The following PCDHA4 variants were observed in gnomAD, a reference collection of about 807,000 sequenced individuals.
The protein encoded by PCDHA4 is protocadherin alpha 4, also known as protocadherin alpha-4.
A neutral mutation model predicts 61.4 loss-of-function variants in PCDHA4; 49 were observed. That is an observed-to-expected ratio of 0.80 (90% CI 0.63 to 1.01). The LOEUF (loss-of-function observed/expected upper bound fraction) is 1.01, where lower values mean the gene tolerates loss of function less well. Among genes scored for constraint, PCDHA4 ranks in the 50% least tolerant of loss-of-function variants. The pLI is 0.00. For missense variants in PCDHA4, 1,254 were observed against 1,235.8 expected, an observed-to-expected ratio of 1.01 and a Z score of -0.22; for synonymous variants, 590 against 550.3, an observed-to-expected ratio of 1.07 and a Z score of -1.01.
chr5:140,878,890 T>C (rs1219933788), intron 1 of PCDHA4, among the ~76,000 whole-genome samples: 1 of 152,242 alleles, frequency 6.6e-6, no homozygotes, highest in East Asian at 1.9e-4. Flanking sequence ...TAGCTGAGAC[T>C]ACAGGCAGGC....
At chr5:140,863,858 G>A (rs2048210654) in intron 1 of PCDHA4, 1 of 177,150 alleles carries the variant, frequency 5.6e-6, no homozygotes, top group Non-Finnish European at 1.2e-5. Flanking sequence ...AAAATTAGCT[G>A]GGTGTGGTGG....
Position 140,857,895 on chromosome 5 carries a change from G to C in PCDHA4, c.2385+48323G>C. 1.3e-6 allele frequency: 2 copies of C among 1,597,868 alleles called. 1 individual carries two copies. The highest frequency in any genetic ancestry group is 2.2e-5 in the South Asian group (2 of 90,498). ...TATGAATTGCAGTCGGCGGCGGTTG[G>C]TGCACGCATCCCGTTTCGCGTGGGG... On this transcript the variant is annotated intron_variant, in intron 1 of 3. Coordinates refer to ENST00000530339, the MANE Select transcript of PCDHA4 (RefSeq NM_018907.4).
chr5:140,881,579 C>T (rs1299755224), intron 1 of PCDHA4, among the ~76,000 whole-genome samples: 1 of 152,168 alleles, frequency 6.6e-6, no homozygotes, highest in Non-Finnish European at 1.5e-5. Context: ...TCTCAAGTCA[C>T]ATTGAGGGAA....
At chr5:140,843,607 G>C in intron 1 of PCDHA4, 1 of 1,596,080 alleles carries the variant, frequency 6.3e-7, no homozygotes, top group Non-Finnish European at 8.6e-7. Context: ...GCTCTGGTGA[G>C]GGGCCACCGA....
At chr5:140,877,346 G>GGCT (rs1217124440) in intron 1 of PCDHA4, 1 of 1,613,888 alleles carries the variant, frequency 6.2e-7, no homozygotes, top group Non-Finnish European at 8.5e-7. Flanking sequence ...TTCCACGTGG[G>GGCT]GCTGTACACT....
chr5:140,864,279 T>C (rs1554158753), intron 1 of PCDHA4: 1 of 152,238 alleles, frequency 6.6e-6, no homozygotes, highest in African/African-American at 2.4e-5. Context: ...CCATTCCTTA[T>C]TGTTTTTATG....
intron 1 of PCDHA4, chr5:140,825,159 C>CT (rs1768465166): frequency 6.6e-6 from 1 of 151,540 alleles, no homozygotes; most frequent in Non-Finnish European, 1.5e-5. Flanking sequence ...TTTAATCTTG[C>CT]TTTTTTCATT....
intron 1 of PCDHA4, chr5:140,856,089 T>C: frequency 6.3e-7 from 1 of 1,596,782 alleles, no homozygotes; most frequent in Non-Finnish European, 8.6e-7. Flanking sequence ...CAGTGTCTGC[T>C]GCTCTCGCTT....
At chr5:140,828,085 A>G in intron 1 of PCDHA4, 1 of 1,590,816 alleles carries the variant, frequency 6.3e-7, no homozygotes, top group East Asian at 2.2e-5. Context: ...AACCAGAGGT[A>G]TTTGACATGG....
Position 140,808,787 on chromosome 5 carries a change from C to T in PCDHA4, c.1600C>T (p.Gln534Ter), listed in dbSNP as rs1764263030. ...DHEELELLQF[Q>*]VTARDAGVPP... Reference sequence around the variant, plus strand: ...CGAGGAGCTAGAGCTGCTGCAGTTTCAGGTGACCGCTCGCGATGCCGGCGT... The same window carrying T: ...CGAGGAGCTAGAGCTGCTGCAGTTTTAGGTGACCGCTCGCGATGCCGGCGT... Residue 534 changes from glutamine to a stop codon, truncating the protein, a stop_gained, in exon 1 of 4, where the codon CAG (glutamine) becomes TAG (stop). Coordinates refer to ENST00000530339, the MANE Select transcript of PCDHA4 (RefSeq NM_018907.4). LOFTEE classifies it high-confidence loss of function. 1 of 1,612,462 alleles carries T rather than the reference C, an allele frequency of 6.2e-7. No homozygotes were observed. Among genetic ancestry groups the T allele is most frequent in the African/African-American group, 1.3e-5 (1 of 74,882 alleles).
At chr5:140,860,132 T>C (rs2150486737) in intron 1 of PCDHA4, 1 of 150,816 alleles carries the variant, frequency 6.6e-6, no homozygotes, top group East Asian at 1.9e-4. Flanking sequence ...TGTGTGTGTG[T>C]GTATATATAT....
At position 141,010,950 on chromosome 5, in the gene PCDHA4, A is replaced by G. The variant is rs1278386004; in HGVS notation, c.*1013A>G. The G allele has an allele frequency of 6.5e-6, 1 of 153,760 alleles. No homozygotes were observed. Among genetic ancestry groups the G allele is most frequent in the Admixed American group, 6.5e-5 (1 of 15,284 alleles). 9.5% of individuals were successfully genotyped at this position (153,760 alleles called of 1,614,324 possible). A position where few individuals can be genotyped will look rare whatever the true frequency, so the allele number is the denominator to read the frequency against. ...TCAGTCTACAGCCATTTAAATGATC[A>G]TTGCTGCTACAGAAGTGCTTTAAGA... is the stretch of plus-strand genomic sequence containing the variant. On this transcript the variant is annotated 3_prime_UTR_variant, in exon 4 of 4. Coordinates refer to ENST00000530339, the MANE Select transcript of PCDHA4 (RefSeq NM_018907.4).
Position 140,986,801 on chromosome 5 carries a change from T to C in PCDHA4, c.2533+4238T>C, listed in dbSNP as rs1381514203. ...CGGAAGCCACTAAGGCAGTGAGTCT[T>C]AGTTAGAGAACTTTGGTTTAGACAA... On this transcript the variant is annotated intron_variant, in intron 3 of 3. Coordinates refer to ENST00000530339, the MANE Select transcript of PCDHA4 (RefSeq NM_018907.4). 2.0e-5 allele frequency among the ~76,000 whole-genome samples: 3 copies of C among 152,144 alleles called. No homozygotes were observed. The East Asian group carries it at 5.8e-4, about 29-fold the overall frequency.
intron 1 of PCDHA4, chr5:140,882,471 C>A: frequency 6.2e-7 from 1 of 1,614,024 alleles, no homozygotes; most frequent in African/African-American, 1.3e-5. Flanking sequence ...CGGGTGGCGT[C>A]CAAAAGACAC....
intron 1 of PCDHA4, among the ~76,000 whole-genome samples, chr5:140,932,302 G>A (rs565143074): frequency 6.6e-6 from 1 of 151,800 alleles, no homozygotes; most frequent in African/African-American, 2.4e-5. Context: ...AATTTTTAAA[G>A]GTATAAATAT....
chr5:140,870,642 C>A (rs373909591), intron 1 of PCDHA4: 2 of 1,612,746 alleles, frequency 1.2e-6, no homozygotes, highest in African/African-American at 1.3e-5. Context: ...ACGCGGAGAG[C>A]GGCAAGGTGT....
intron 1 of PCDHA4, chr5:140,855,950 C>A: frequency 7.3e-7 from 1 of 1,363,922 alleles, no homozygotes; most frequent in Non-Finnish European, 1.0e-6. Flanking sequence ...TCAGCCATTT[C>A]GATAAAAAAT....
Position 140,807,662 on chromosome 5 carries a change from G to A in PCDHA4, c.475G>A (p.Asp159Asn), listed in dbSNP as rs782724169. The A allele has an allele frequency of 6.2e-6, 10 of 1,614,236 alleles. No individual in the cohort carries two copies. The Admixed American group carries it at 1.2e-4, about 19-fold the overall frequency. The change falls in exon 1 of 4, where the codon GAT becomes AAT. Residue 159 changes from aspartate (D) to asparagine (N), a missense_variant. Coordinates refer to ENST00000530339, the MANE Select transcript of PCDHA4 (RefSeq NM_018907.4). ...TCGGTTTCCACTAGAGGGCGCCTCG[G>A]ATGCAGATATCGGGGAGAACGCCCT... ...DSRFPLEGAS[D>N]ADIGENALLT... is the part of the protein sequence containing the mutation.
rs782119738 is a variant in PCDHA4, at chr5:140,927,224, G to A, written c.2386-51725G>A. ...GACCCGCTGGAGCTGCACAAGATTC[G>A]GATTCACGTCCTGGACACCAATGAC... On this transcript the variant is annotated intron_variant, in intron 1 of 3. Coordinates refer to ENST00000530339, the MANE Select transcript of PCDHA4 (RefSeq NM_018907.4). 3 of 1,614,072 alleles carry A rather than the reference G, an allele frequency of 1.9e-6. No homozygotes were observed. The South Asian group carries it at 3.3e-5, about 18-fold the overall frequency.
Sources: gnomAD v4.1 joint callset for allele counts (sites outside exome capture counted in the v4.1 genomes callset) on GRCh38, gnomAD v4.1.1 for gene constraint, MANE v1.5 for transcripts, NCBI Gene and HGNC (gene_info 2026-07-23, HGNC 2026-07-21) for gene names.